GAS2: variants seen among roughly 807,000 people sequenced by gnomAD.
GAS2 encodes the protein growth arrest-specific protein 2.
GAS2 carries 20 observed loss-of-function variants against 37.5 expected under a neutral mutation model. The ratio of observed to expected loss-of-function variants is 0.53; its 90% CI spans 0.37 to 0.77. GAS2 has a LOEUF of 0.77. Ranked by LOEUF, GAS2 falls within the 30% of genes least tolerant of loss-of-function variation. The pLI is 0.00. For synonymous variants in GAS2, 144 were observed against 132.2 expected (o/e 1.09, Z -0.61); for missense variants, 336 against 373.4 (o/e 0.90, Z 0.82).
chr11:22,728,919 G>A (rs1021242857), intron 4 of GAS2, among the ~76,000 whole-genome samples: 3 of 149,986 alleles, frequency 2.0e-5, no homozygotes, highest in Admixed American at 1.3e-4. Context: ...AGATTGAGCC[G>A]CTGCTGATGG....
chr11:22,774,671 C>T (rs1855160596), intron 7 of GAS2, among the ~76,000 whole-genome samples: 1 of 152,136 alleles, frequency 6.6e-6, no homozygotes, highest in Admixed American at 6.5e-5. Context: ...AACTTAACAG[C>T]AGAGTTAAGG....
rs185600394 is a variant in GAS2, at chr11:22,686,397, G to T, written c.267+608G>T. ...GAGATTGTACTTAATTTTTAATAGAGAATGAAAAGAGATATAAAAAATATT... is the reference window on the plus strand; with the variant it reads ...GAGATTGTACTTAATTTTTAATAGATAATGAAAAGAGATATAAAAAATATT... On this transcript the variant is annotated intron_variant, in intron 3 of 7. Coordinates refer to ENST00000454584, the MANE Select transcript of GAS2 (RefSeq NM_001143830.3). Among the ~76,000 whole-genome samples, 14 of 151,610 alleles carry T rather than the reference G, an allele frequency of 9.2e-5. No homozygotes were observed. In the East Asian group the frequency reaches 2.5e-3, roughly 27 times the overall value.
rs566509913 is a variant in GAS2 at position 22,732,677 on chromosome 11, A to G, written c.410-5028A>G. On this transcript the variant is annotated intron_variant, in intron 4 of 7. Coordinates refer to ENST00000454584, the MANE Select transcript of GAS2 (RefSeq NM_001143830.3). ...TCTTCACTTTCTTGGGAAGCATGAAAGTTTTTATGTATCTTATAGATTCCG... is the reference window on the plus strand; with the variant it reads ...TCTTCACTTTCTTGGGAAGCATGAAGGTTTTTATGTATCTTATAGATTCCG... Among the ~76,000 whole-genome samples the G allele has an allele frequency of 2.6e-4, 39 of 151,714 alleles. 1 individual carries two copies. The South Asian group carries it at 5.2e-3, about 20-fold the overall frequency.
intron 3 of GAS2, among the ~76,000 whole-genome samples, chr11:22,707,827 G>A (rs1186562377): frequency 3.9e-5 from 6 of 152,158 alleles, no homozygotes; most frequent in Non-Finnish European, 5.9e-5. Context: ...CAAGACTTAA[G>A]TATTTGAACT....
At chr11:22,730,570 C>A (rs576036385) in intron 4 of GAS2, among the ~76,000 whole-genome samples, 32 of 151,100 alleles carry the variant, frequency 2.1e-4, no homozygotes, top group Non-Finnish European at 4.1e-4. Flanking sequence ...AGAAACATTT[C>A]TTTTCATTAC....
chr11:22,742,879 A>G (rs1391187228), intron 5 of GAS2, among the ~76,000 whole-genome samples: 1 of 152,144 alleles, frequency 6.6e-6, no homozygotes, highest in Non-Finnish European at 1.5e-5. Flanking sequence ...AAATGAAATC[A>G]TATTTTCCAA....
At chr11:22,662,660 A>G (rs1848927599), upstream of GAS2, among the ~76,000 whole-genome samples, 1 of 142,346 alleles carries the variant, frequency 7.0e-6, no homozygotes, top group Admixed American at 6.8e-5. Context: ...AAGAAAACTT[A>G]AAAAAAAAAC....
At chr11:22,757,307 C>T (rs980698454) in intron 7 of GAS2, among the ~76,000 whole-genome samples, 1 of 151,986 alleles carries the variant, frequency 6.6e-6, no homozygotes, top group Non-Finnish European at 1.5e-5. Flanking sequence ...ATAGTCCTTA[C>T]TATATAAGGC....
chr11:22,634,937 G>A (rs1858801603), intron 1 of GAS2, among the ~76,000 whole-genome samples: 1 of 152,238 alleles, frequency 6.6e-6, no homozygotes. Context: ...GTTAGCCAGA[G>A]TGATGCCCAC....
chr11:22,796,673 T>C (rs1174631055), intron 7 of GAS2, among the ~76,000 whole-genome samples: 1 of 152,122 alleles, frequency 6.6e-6, no homozygotes, highest in Admixed American at 6.6e-5. Context: ...AGGTTACTAT[T>C]TTGTTGCCTT....
intron 3 of GAS2, among the ~76,000 whole-genome samples, chr11:22,687,465 G>C (rs1850019984): frequency 6.6e-6 from 1 of 152,120 alleles, no homozygotes; most frequent in Non-Finnish European, 1.5e-5. Flanking sequence ...GCAAAGTTTG[G>C]TAACCATTAA....
intron 3 of GAS2, among the ~76,000 whole-genome samples, chr11:22,699,782 C>G (rs1850736070): frequency 6.6e-6 from 1 of 152,104 alleles, no homozygotes; most frequent in Non-Finnish European, 1.5e-5. Flanking sequence ...TGAGTGGTAC[C>G]TAGTACATAT....
chr11:22,736,001 T>C (rs1009333136), intron 4 of GAS2, among the ~76,000 whole-genome samples: 4 of 62,116 alleles, frequency 6.4e-5, no homozygotes, highest in African/African-American at 1.9e-4. Flanking sequence ...ACCATGGATA[T>C]GTTAAAAAAA....
chr11:22,743,326 T>C (rs892878106), intron 5 of GAS2, among the ~76,000 whole-genome samples: 1 of 152,116 alleles, frequency 6.6e-6, no homozygotes, highest in African/African-American at 2.4e-5. Flanking sequence ...CCAAGAATTT[T>C]AGCAACAGAA....
chr11:22,630,609 G>T (rs777178516), intron 1 of GAS2, among the ~76,000 whole-genome samples: 8 of 152,128 alleles, frequency 5.3e-5, no homozygotes, highest in Non-Finnish European at 1.0e-4. Context: ...ATTAAATAAG[G>T]TGTCCTTTTG....
chr11:22,754,856 T>G (rs932355487), intron 6 of GAS2, among the ~76,000 whole-genome samples: 1 of 152,154 alleles, frequency 6.6e-6, no homozygotes, highest in Non-Finnish European at 1.5e-5. Context: ...AGAATTCGGG[T>G]GAGGAAAATC....
chr11:22,798,911 C>T (rs979068841), intron 7 of GAS2, among the ~76,000 whole-genome samples: 4 of 152,008 alleles, frequency 2.6e-5, no homozygotes, highest in Non-Finnish European at 5.9e-5. Context: ...TGAGCATATG[C>T]CATTTCAGAA....
chr11:22,706,801 G>T (rs1419603280), intron 3 of GAS2, among the ~76,000 whole-genome samples: 1 of 151,974 alleles, frequency 6.6e-6, no homozygotes, highest in Non-Finnish European at 1.5e-5. Context: ...ACATATGTGT[G>T]CATGTGTCTT....
At chr11:22,778,614 A>T (rs1855388174) in intron 7 of GAS2, among the ~76,000 whole-genome samples, 1 of 152,254 alleles carries the variant, frequency 6.6e-6, no homozygotes, top group Non-Finnish European at 1.5e-5. Flanking sequence ...GAGCAAGTGC[A>T]AAAGTTGGCT....
Sources: gnomAD v4.1 joint callset for allele counts (sites outside exome capture counted in the v4.1 genomes callset) on GRCh38, gnomAD v4.1.1 for gene constraint, MANE v1.5 for transcripts, NCBI Gene and HGNC (gene_info 2026-07-23, HGNC 2026-07-21) for gene names.